Variants in NPSR1 observed in about 807,000 individuals in gnomAD.
NPSR1 encodes neuropeptide S receptor.
NPSR1 carries 48 observed loss-of-function variants against 46.9 expected under a neutral mutation model. The observed-to-expected ratio is 1.02, with a 90% CI of 0.81 to 1.30. The LOEUF is 1.30. NPSR1 is among the 50% of genes most tolerant of loss of function. The pLI is 0.00. For missense variants in NPSR1, 450 were observed against 449.5 expected, an observed-to-expected ratio of 1.00 and a Z score of -0.01; for synonymous variants, 176 against 168.1, an observed-to-expected ratio of 1.05 and a Z score of -0.36.
chr7:34,799,634 G>C (rs965627711), intron 3 of NPSR1, among the ~76,000 whole-genome samples: 2 of 149,166 alleles, frequency 1.3e-5, no homozygotes, highest in Admixed American at 6.8e-5. Flanking sequence ...AAAGACCATC[G>C]AGAGTAGGAA....
At chr7:34,674,466 G>C (rs1042042672) in intron 1 of NPSR1, among the ~76,000 whole-genome samples, 1 of 152,170 alleles carries the variant, frequency 6.6e-6, no homozygotes, top group African/African-American at 2.4e-5. Flanking sequence ...ATGAGGCTTT[G>C]AGTAGGCCTC....
At chr7:34,712,511 T>C (rs1267861846) in intron 2 of NPSR1, among the ~76,000 whole-genome samples, 1 of 152,206 alleles carries the variant, frequency 6.6e-6, no homozygotes, top group East Asian at 1.9e-4. Context: ...TTCTGTTGTG[T>C]GAAGGCATCC....
intron 2 of NPSR1, among the ~76,000 whole-genome samples, chr7:34,720,633 G>A (rs1783807544): frequency 6.6e-6 from 1 of 152,076 alleles, no homozygotes; most frequent in African/African-American, 2.4e-5. Context: ...GAGTGTGCAT[G>A]TACTTAACTG....
At chr7:34,850,023 T>C, downstream of NPSR1, 1 of 996,254 alleles carries the variant, frequency 1.0e-6, no homozygotes, top group Non-Finnish European at 1.2e-6. Flanking sequence ...ACATGAATAT[T>C]CTCATTACAA....
At chr7:34,681,605 G>T (rs1385102345) in intron 1 of NPSR1, among the ~76,000 whole-genome samples, 2 of 152,168 alleles carry the variant, frequency 1.3e-5, no homozygotes, top group Non-Finnish European at 2.9e-5. Flanking sequence ...CCAAAGACAT[G>T]TAGGGTGGCC....
In NPSR1 at chr7:34,849,559, C is replaced by T; in HGVS notation, c.1026-6C>T. 1.9e-6 allele frequency: 3 copies of T among 1,613,996 alleles called. No individual in the cohort carries two copies. Among genetic ancestry groups the T allele is most frequent in the Non-Finnish European group, 1.7e-6 (2 of 1,179,858 alleles). On this transcript the variant is annotated splice_polypyrimidine_tract_variant and splice_region_variant and intron_variant, in intron 8 of 8. Transcript: ENST00000360581. ...TCCCTCCCTGCTTTATTTTGACTTT[C>T]TCCAGGGAGCAAAGATCACAGGATT...
chr7:34,754,151 G>A (rs188747644), intron 2 of NPSR1, among the ~76,000 whole-genome samples: 1 of 151,062 alleles, frequency 6.6e-6, no homozygotes, highest in Non-Finnish European at 1.5e-5. Context: ...CTTTTCTGAG[G>A]TCTACACCCC....
intron 1 of NPSR1, among the ~76,000 whole-genome samples, chr7:34,678,572 A>G (rs1362197298): frequency 1.3e-5 from 2 of 152,116 alleles, no homozygotes. Context: ...CACATCTGTA[A>G]TCTCAGCACT....
intron 1 of NPSR1, among the ~76,000 whole-genome samples, chr7:34,674,795 T>C (rs1319558765): frequency 1.3e-5 from 2 of 152,194 alleles, no homozygotes; most frequent in African/African-American, 4.8e-5. Context: ...AGGCCACATG[T>C]TGCCATAGAG....
intron 2 of NPSR1, among the ~76,000 whole-genome samples, chr7:34,702,334 C>A (rs34592885): frequency 6.6e-6 from 1 of 152,174 alleles, no homozygotes; most frequent in Admixed American, 6.5e-5. Context: ...TGAAAAAAAG[C>A]CTGGGAAATA....
At chr7:34,752,614 T>C (rs1476355148) in intron 2 of NPSR1, among the ~76,000 whole-genome samples, 1 of 152,172 alleles carries the variant, frequency 6.6e-6, no homozygotes, top group Admixed American at 6.5e-5. Flanking sequence ...GCCACAATTA[T>C]GAGTGTCCAG....
intron 1 of NPSR1, among the ~76,000 whole-genome samples, chr7:34,659,968 C>T (rs960814191): frequency 6.6e-6 from 1 of 152,136 alleles, no homozygotes; most frequent in Non-Finnish European, 1.5e-5. Flanking sequence ...ATAAAATCAG[C>T]AATAAGGTGG....
chr7:34,791,353 A>C (rs1787871224), intron 3 of NPSR1, among the ~76,000 whole-genome samples: 1 of 147,586 alleles, frequency 6.8e-6, no homozygotes, highest in Admixed American at 6.9e-5. Context: ...GTTAAAACTA[A>C]CAAATGAATT....
rs546262687 is a variant in NPSR1, at chr7:34,848,467, C to T, written c.845-16C>T. 3.7e-6 allele frequency: 6 copies of T among 1,612,554 alleles called. No homozygotes were observed. In the Admixed American group the frequency reaches 6.7e-5, roughly 18 times the overall value. On this transcript the variant is annotated splice_polypyrimidine_tract_variant and intron_variant, in intron 7 of 8. Transcript: ENST00000360581. ...CTGCTACCTGCTGTGATGCTAATGGCTCTCTTCTCCCCCAGCCTTCATCTG... is the reference window on the plus strand; with the variant it reads ...CTGCTACCTGCTGTGATGCTAATGGTTCTCTTCTCCCCCAGCCTTCATCTG...
chr7:34,818,949 C>A (rs987281747), intron 4 of NPSR1, among the ~76,000 whole-genome samples: 1 of 152,114 alleles, frequency 6.6e-6, no homozygotes, highest in Non-Finnish European at 1.5e-5. Flanking sequence ...AATGTTAAAC[C>A]TAAAACCATA....
rs182642214 is a variant in NPSR1, at chr7:34,858,664, G to A, written c.1025+10001G>A. Among the ~76,000 whole-genome samples the A allele has an allele frequency of 1.5e-3, 221 of 151,944 alleles. 1 individual carries two copies. The highest frequency in any genetic ancestry group is 2.5e-3 in the Non-Finnish European group (168 of 68,030). On this transcript the variant is annotated intron_variant, in intron 8 of 8. Coordinates refer to the NPSR1 transcript ENST00000359791. ...CATGGCAGAAGGCAAGGAGGAGCAA[G>A]TCACATCTTACATGGATGGCAGCAG...
At chr7:34,675,062 T>C (rs1792248961) in intron 1 of NPSR1, among the ~76,000 whole-genome samples, 1 of 152,222 alleles carries the variant, frequency 6.6e-6, no homozygotes, top group African/African-American at 2.4e-5. Context: ...CCCAGCTGCA[T>C]CACCTAATGA....
chr7:34,828,371 T>C (rs1440461934), intron 5 of NPSR1, among the ~76,000 whole-genome samples: 5 of 152,160 alleles, frequency 3.3e-5, no homozygotes, highest in Non-Finnish European at 7.4e-5. Flanking sequence ...AAAAAAGTCA[T>C]AGGAAGTCCT....
chr7:34,857,079 G>A (rs986964627), intron 8 of NPSR1, among the ~76,000 whole-genome samples: 2 of 151,684 alleles, frequency 1.3e-5, no homozygotes, highest in African/African-American at 2.4e-5. Context: ...TTATAAAAAG[G>A]TATGTAAATC....
Sources: gnomAD v4.1 joint callset for allele counts (sites outside exome capture counted in the v4.1 genomes callset) on GRCh38, gnomAD v4.1.1 for gene constraint, MANE v1.5 for transcripts, NCBI Gene and HGNC (gene_info 2026-07-23, HGNC 2026-07-21) for gene names.